FHIT: variants seen among roughly 807,000 people sequenced by gnomAD.
FHIT encodes fragile histidine triad diadenosine triphosphatase, also known as bis(5'-adenosyl)-triphosphatase.
A neutral mutation model predicts 17.9 loss-of-function variants in FHIT; 19 were observed. That is an observed-to-expected ratio of 1.06 (90% CI 0.74 to 1.56). FHIT has a LOEUF of 1.56. Among genes scored for constraint, FHIT ranks in the 40% most tolerant of loss-of-function variants. The pLI is 0.00. For synonymous variants in FHIT, 81 were observed against 69.7 expected (o/e 1.16, Z -0.81); for missense variants, 248 against 189.2 (o/e 1.31, Z -1.82).
At chr3:60,212,874 T>A (rs1162538777) in intron 5 of FHIT, among the ~76,000 whole-genome samples, 1 of 152,046 alleles carries the variant, frequency 6.6e-6, no homozygotes, top group African/African-American at 2.4e-5. Context: ...AACCAGCAAA[T>A]CCGGGTTTGT....
chr3:60,365,352 A>C (rs566339540), intron 5 of FHIT, among the ~76,000 whole-genome samples: 1 of 152,192 alleles, frequency 6.6e-6, no homozygotes, highest in Admixed American at 6.5e-5. Flanking sequence ...GAAAAAATAC[A>C]TGCTTAAACC....
In FHIT at chr3:59,748,140, C is replaced by CTGT. The variant is rs1199820560; in HGVS notation, c.*1444_*1445insACA. 6.6e-6 allele frequency among the ~76,000 whole-genome samples: 1 copy of CTGT among 152,058 alleles called. No homozygotes were observed. The highest frequency in any genetic ancestry group is 1.5e-5 in the Non-Finnish European group (1 of 67,992). On this transcript the variant is annotated 3_prime_UTR_variant, in exon 10 of 10. Coordinates refer to ENST00000492590, the MANE Select transcript of FHIT (RefSeq NM_002012.4). The stretch of plus-strand genomic sequence containing the variant: ...GCTGGAAATCATCAGCATTGTTTTT[C>CTGT]TCTTATGTTTATTTTTATGCTTAAC...
intron 5 of FHIT, among the ~76,000 whole-genome samples, chr3:60,091,198 C>A (rs1239406408): frequency 2.0e-5 from 3 of 152,164 alleles, no homozygotes; most frequent in Non-Finnish European, 4.4e-5. Flanking sequence ...GGCAGGTGAA[C>A]AGTTTTATTC....
chr3:60,915,077 T>A (rs1440001451), intron 3 of FHIT, among the ~76,000 whole-genome samples: 1 of 152,244 alleles, frequency 6.6e-6, no homozygotes, highest in Non-Finnish European at 1.5e-5. Context: ...TCATGTATAA[T>A]GACTTGGTTT....
chr3:59,810,503 T>G (rs1700372589), intron 8 of FHIT, among the ~76,000 whole-genome samples: 1 of 152,180 alleles, frequency 6.6e-6, no homozygotes, highest in African/African-American at 2.4e-5. Context: ...GCCACATGGT[T>G]TACAATAGCG....
At chr3:60,012,610 A>T (rs1389136243) in intron 6 of FHIT, among the ~76,000 whole-genome samples, 1 of 152,202 alleles carries the variant, frequency 6.6e-6, no homozygotes. Flanking sequence ...TAGACTGCAC[A>T]GAATGAGTAA....
At chr3:61,094,138 G>GTGTA (rs901224676) in intron 2 of FHIT, among the ~76,000 whole-genome samples, 2 of 152,026 alleles carry the variant, frequency 1.3e-5, no homozygotes, top group African/African-American at 4.8e-5. Context: ...GTGTGTGTGT[G>GTGTA]TGTGTGTATT....
intron 5 of FHIT, among the ~76,000 whole-genome samples, chr3:60,451,011 T>C (rs544146249): frequency 6.6e-6 from 1 of 152,170 alleles, no homozygotes. Flanking sequence ...ATTTTCAATT[T>C]GTATAATGAA....
At chr3:59,755,851 G>A (rs189711864) in intron 8 of FHIT, among the ~76,000 whole-genome samples, 15 of 152,194 alleles carry the variant, frequency 9.9e-5, no homozygotes, top group Admixed American at 9.8e-4. Context: ...AACAGTGATG[G>A]AGGGAAAGAG....
chr3:60,112,123 G>A (rs1456709378), intron 5 of FHIT, among the ~76,000 whole-genome samples: 1 of 152,164 alleles, frequency 6.6e-6, no homozygotes, highest in Admixed American at 6.5e-5. Context: ...TTGGGTTCAA[G>A]TACAAGAATC....
At chr3:60,602,067 C>T (rs1227802281) in intron 4 of FHIT, among the ~76,000 whole-genome samples, 1 of 151,970 alleles carries the variant, frequency 6.6e-6, no homozygotes, top group African/African-American at 2.4e-5. Flanking sequence ...TAGAGTAAGC[C>T]AAGAAAATCA....
intron 5 of FHIT, among the ~76,000 whole-genome samples, chr3:60,311,977 A>G (rs1396470661): frequency 2.6e-5 from 4 of 152,308 alleles, no homozygotes; most frequent in Non-Finnish European, 2.9e-5. Flanking sequence ...GTTCTTTATA[A>G]ACTGAATTAT....
At chr3:60,868,533 C>A (rs1553754345) in intron 3 of FHIT, among the ~76,000 whole-genome samples, 3 of 152,074 alleles carry the variant, frequency 2.0e-5, no homozygotes, top group African/African-American at 7.2e-5. Context: ...CCTGAAGAAG[C>A]CCTTTCTCAT....
intron 3 of FHIT, among the ~76,000 whole-genome samples, chr3:60,828,335 T>C (rs1553741571): frequency 6.6e-6 from 1 of 152,204 alleles, no homozygotes; most frequent in Non-Finnish European, 1.5e-5. Context: ...TTAACCTTAC[T>C]TTCATTTTAA....
chr3:60,906,464 C>T (rs1287497310), intron 3 of FHIT, among the ~76,000 whole-genome samples: 1 of 152,174 alleles, frequency 6.6e-6, no homozygotes, highest in African/African-American at 2.4e-5. Flanking sequence ...GGCAATGGCA[C>T]CCCAGTAGCA....
At chr3:60,705,565 G>A (rs1559654060) in intron 4 of FHIT, among the ~76,000 whole-genome samples, 1 of 152,118 alleles carries the variant, frequency 6.6e-6, no homozygotes, top group African/African-American at 2.4e-5. Flanking sequence ...TGGTCTCTAG[G>A]GATCACTTGG....
At chr3:59,947,064 T>C (rs1240040787) in intron 7 of FHIT, among the ~76,000 whole-genome samples, 1 of 152,218 alleles carries the variant, frequency 6.6e-6, no homozygotes, top group Non-Finnish European at 1.5e-5. Context: ...CCTACATTTT[T>C]CAGAATAGTT....
At chr3:60,367,643 CTTG>C (rs530543444) in intron 5 of FHIT, among the ~76,000 whole-genome samples, 300 of 152,192 alleles carry the variant, frequency 2.0e-3, no homozygotes, top group African/African-American at 6.8e-3. Context: ...TCATTAACTG[CTTG>C]TTTTTAAAAA....
chr3:60,480,571 G>C (rs1332131094), intron 5 of FHIT, among the ~76,000 whole-genome samples: 3 of 152,110 alleles, frequency 2.0e-5, no homozygotes, highest in Non-Finnish European at 2.9e-5. Flanking sequence ...ACAGGCATTG[G>C]GTAAATGTTC....
Sources: allele counts gnomAD v4.1 joint callset (sites outside exome capture counted in the v4.1 genomes callset), GRCh38; gene constraint gnomAD v4.1.1; transcripts MANE v1.5; gene names NCBI Gene and HGNC (gene_info 2026-07-23, HGNC 2026-07-21).